The following TESK2 variants were observed in gnomAD, a reference collection of about 807,000 sequenced individuals.
TESK2 encodes dual specificity testis-specific protein kinase 2.
A neutral mutation model predicts 57.1 loss-of-function variants in TESK2; 39 were observed. The ratio of observed to expected loss-of-function variants is 0.68; its 90% CI spans 0.53 to 0.89. The LOEUF is 0.89. Among genes scored for constraint, TESK2 ranks in the 40% least tolerant of loss-of-function variants. The pLI is 0.00. For missense variants in TESK2, 646 were observed against 732.1 expected (o/e 0.88, Z 1.36); for synonymous variants, 249 against 267.9 (o/e 0.93, Z 0.69).
At chr1:45,354,603 G>A (rs1209451663) in intron 5 of TESK2, among the ~76,000 whole-genome samples, 1 of 151,034 alleles carries the variant, frequency 6.6e-6, no homozygotes, top group Non-Finnish European at 1.5e-5. Flanking sequence ...TCCAGCCTGG[G>A]CAATAAGAGT....
intron 1 of TESK2, among the ~76,000 whole-genome samples, chr1:45,458,346 C>T (rs930687574): frequency 1.3e-5 from 2 of 152,176 alleles, no homozygotes; most frequent in Admixed American, 6.5e-5. Flanking sequence ...AGGCGGATCA[C>T]TTGAGGTCAG....
intron 4 of TESK2, among the ~76,000 whole-genome samples, chr1:45,382,747 G>A (rs1451090070): frequency 2.0e-5 from 3 of 152,124 alleles, no homozygotes; most frequent in African/African-American, 7.2e-5. Context: ...GCGCATGCCT[G>A]TAATCCCAGC....
At chr1:45,407,120 C>A (rs1649877359) in intron 3 of TESK2, among the ~76,000 whole-genome samples, 1 of 152,292 alleles carries the variant, frequency 6.6e-6, no homozygotes, top group East Asian at 1.9e-4. Flanking sequence ...GGGTCTTGCT[C>A]TGTCACACAG....
At chr1:45,441,825 C>A (rs1261531557) in intron 2 of TESK2, among the ~76,000 whole-genome samples, 1 of 152,076 alleles carries the variant, frequency 6.6e-6, no homozygotes, top group African/African-American at 2.4e-5. Flanking sequence ...CCATGTTGGC[C>A]ACGCTGCTCT....
intron 3 of TESK2, among the ~76,000 whole-genome samples, chr1:45,403,765 T>A (rs542959871): frequency 1.3e-5 from 2 of 151,874 alleles, no homozygotes; most frequent in Non-Finnish European, 2.9e-5. Context: ...CCAAGATTTC[T>A]GGGAGGAAAA....
intron 3 of TESK2, chr1:45,399,100 G>T: frequency 3.6e-6 from 1 of 278,794 alleles, no homozygotes; most frequent in Non-Finnish European, 7.0e-6. Flanking sequence ...CTTGTTCACA[G>T]TTAGTTCTCA....
intron 4 of TESK2, among the ~76,000 whole-genome samples, chr1:45,375,008 G>A (rs1041297801): frequency 2.6e-5 from 4 of 152,092 alleles, no homozygotes; most frequent in Admixed American, 2.6e-4. Flanking sequence ...TATCATTCTG[G>A]TCCATTACCA....
chr1:45,364,320 G>T (rs1647817149), intron 4 of TESK2, among the ~76,000 whole-genome samples: 1 of 152,172 alleles, frequency 6.6e-6, no homozygotes, highest in Non-Finnish European at 1.5e-5. Flanking sequence ...CTTATAAAAA[G>T]AGTGGCAAGA....
intron 3 of TESK2, chr1:45,415,425 C>T: frequency 4.4e-6 from 3 of 687,946 alleles, no homozygotes; most frequent in Admixed American, 2.2e-5. Flanking sequence ...CCCATTTGCT[C>T]GCAATATCCC....
chr1:45,487,489 A>C (rs1276568586), intron 1 of TESK2, among the ~76,000 whole-genome samples: 1 of 152,120 alleles, frequency 6.6e-6, no homozygotes, highest in Non-Finnish European at 1.5e-5. Flanking sequence ...CCACTACTTC[A>C]ATAACCTACA....
Position 45,422,759 on chromosome 1 carries a change from T to G in TESK2, c.223-913A>C, listed in dbSNP as rs372203400. 2.0e-3 allele frequency among the ~76,000 whole-genome samples: 291 copies of G among 147,008 alleles called. 1 individual carries two copies. Among genetic ancestry groups the G allele is most frequent in the African/African-American group, 6.3e-3 (253 of 39,940 alleles). ...ATGCCCAGCCAATCATGTCTGGTTTTTTGTTGTTGTTGTTGTTGTTTTTGT... is the reference window on the plus strand; with the variant it reads ...ATGCCCAGCCAATCATGTCTGGTTTGTTGTTGTTGTTGTTGTTGTTTTTGT... On this transcript the variant is annotated intron_variant, in intron 2 of 10. Transcript: ENST00000372086.
chr1:45,409,015 C>T (rs1036444743), intron 3 of TESK2, among the ~76,000 whole-genome samples: 1 of 152,076 alleles, frequency 6.6e-6, no homozygotes, highest in African/African-American at 2.4e-5. Context: ...TATTTTTAGC[C>T]CAAGCCTGAC....
Position 45,421,610 on chromosome 1 carries a change from G to A in TESK2, c.344+115C>T. On this transcript the variant is annotated intron_variant, in intron 3 of 10. Coordinates refer to ENST00000372086, the MANE Select transcript of TESK2 (RefSeq NM_007170.3). Reference sequence around the variant, plus strand: ...CTAGAGTACCACTAAACCCCAGCAAGATAGATTCAGCATGATAAATCCTGA... The same window carrying A: ...CTAGAGTACCACTAAACCCCAGCAAAATAGATTCAGCATGATAAATCCTGA... 7 of 1,431,820 alleles carry A rather than the reference G, an allele frequency of 4.9e-6. No individual in the cohort carries two copies. The South Asian group carries it at 7.9e-5, about 16-fold the overall frequency. 88.7% of individuals were successfully genotyped at this position (1,431,820 alleles called of 1,614,324 possible).
intron 1 of TESK2, among the ~76,000 whole-genome samples, chr1:45,462,043 A>T (rs1465175496): frequency 6.6e-6 from 1 of 152,114 alleles, no homozygotes; most frequent in Non-Finnish European, 1.5e-5. Flanking sequence ...ATCTAACTAT[A>T]TTATTGTACC....
chr1:45,360,145 T>A (rs533242998), intron 4 of TESK2, among the ~76,000 whole-genome samples: 17 of 152,276 alleles, frequency 1.1e-4, no homozygotes, highest in African/African-American at 4.1e-4. Context: ...AATGACGGCA[T>A]AAGCACAGCG....
intron 3 of TESK2, among the ~76,000 whole-genome samples, chr1:45,416,953 A>AT (rs1304656367): frequency 2.6e-5 from 4 of 151,524 alleles, no homozygotes; most frequent in African/African-American, 9.7e-5. Flanking sequence ...CACCCGGCTG[A>AT]TTTTTTGTAT....
chr1:45,415,330 T>C, intron 3 of TESK2: 1 of 1,093,782 alleles, frequency 9.1e-7, no homozygotes, highest in Non-Finnish European at 1.4e-6. Flanking sequence ...CATTGCTGAC[T>C]GTGGACAACT....
At chr1:45,386,868 G>A (rs905479327) in intron 3 of TESK2, among the ~76,000 whole-genome samples, 2 of 152,078 alleles carry the variant, frequency 1.3e-5, no homozygotes, top group African/African-American at 4.8e-5. Flanking sequence ...TGGCCAGGAT[G>A]GTCTCAATCT....
At chr1:45,434,315 A>G (rs745788366) in intron 2 of TESK2, among the ~76,000 whole-genome samples, 5 of 149,756 alleles carry the variant, frequency 3.3e-5, no homozygotes, top group Non-Finnish European at 7.4e-5. Context: ...TGTTTGTCTA[A>G]GACAGGGTCC....
Sources: gnomAD v4.1 joint callset for allele counts (sites outside exome capture counted in the v4.1 genomes callset) on GRCh38, gnomAD v4.1.1 for gene constraint, MANE v1.5 for transcripts, NCBI Gene and HGNC (gene_info 2026-07-23, HGNC 2026-07-21) for gene names.